Variants in MRE11 observed in about 807,000 individuals in gnomAD.
MRE11 encodes the protein double-strand break repair protein MRE11.
A neutral mutation model predicts 91.7 loss-of-function variants in MRE11; 62 were observed. That is an observed-to-expected ratio of 0.68 (90% CI 0.55 to 0.84). The LOEUF is 0.84. MRE11 is among the 40% of genes least tolerant of loss of function. MRE11 has a pLI of 0.00. For missense variants in MRE11, 796 were observed against 852.9 expected (o/e 0.93, Z 0.83); for synonymous variants, 273 against 271.4 (o/e 1.01, Z -0.06).
chr11:94,474,775 C>T (rs535371051), intron 7 of MRE11, among the ~76,000 whole-genome samples: 2 of 152,264 alleles, frequency 1.3e-5, no homozygotes, highest in African/African-American at 4.8e-5. Context: ...ATGGTGACTA[C>T]CCATTCCCCT....
At position 94,415,930 on chromosome 11, in the gene MRE11, C is replaced by A. The variant is rs1412951161; in HGVS notation, c.*4195G>T. ...GGTTCAAGCAATTCTCCTGCCTCAG[C>A]CTCCTGAGTAGTTGGGATTACAGGC... On this transcript the variant is annotated 3_prime_UTR_variant, in exon 20 of 20. Transcript: ENST00000323929. 6.6e-6 allele frequency: 1 copy of A among 152,288 alleles called. No individual in the cohort carries two copies. Among genetic ancestry groups the A allele is most frequent in the African/African-American group, 2.4e-5 (1 of 41,454 alleles). 9.4% of individuals were successfully genotyped at this position (152,288 alleles called of 1,614,324 possible).
chr11:94,482,749 C>A (rs1178184638), intron 4 of MRE11, among the ~76,000 whole-genome samples: 1 of 152,068 alleles, frequency 6.6e-6, no homozygotes, highest in East Asian at 1.9e-4. Flanking sequence ...GCCTCACCAA[C>A]CTGGTGAAAC....
upstream of MRE11, chr11:94,498,626 A>G: frequency 1.8e-6 from 2 of 1,102,354 alleles, no homozygotes; most frequent in Non-Finnish European, 2.6e-6. Context: ...ACATCTTACT[A>G]CAAAAATTCA....
rs1223896257 is a variant in MRE11, at chr11:94,420,103, TTTCTCAGTGCCATTAAATATA to T, written c.*1_*21del. On this transcript the variant is annotated 3_prime_UTR_variant, in exon 20 of 20. Transcript: ENST00000323929. ...TTTCATTTTTCCTGTATCTTGCATG[TTTCTCAGTGCCATTAAATATA>T]TTATCTTCTATTTCTTCTTAAAGAA... The T allele has an allele frequency of 2.0e-6, 3 of 1,531,992 alleles. No homozygotes were observed. In the African/African-American group the frequency reaches 4.1e-5, roughly 21 times the overall value. The allele number at this position is 1,531,992 out of a possible 1,614,324, so 94.9% of individuals were successfully genotyped here. A position where few individuals can be genotyped will look rare whatever the true frequency, so the allele number is the denominator to read the frequency against.
chr11:94,511,776 A>AT, the MRE11 span, among the ~76,000 whole-genome samples: 1 of 152,210 alleles, frequency 6.6e-6, no homozygotes, highest in African/African-American at 2.4e-5. Context: ...AACGTAATCC[A>AT]TTTTTAAGGC....
chr11:94,497,510 G>T (rs1012723142), upstream of MRE11: 2 of 157,706 alleles, frequency 1.3e-5, no homozygotes, highest in Non-Finnish European at 2.8e-5. Context: ...TAACCCAAGA[G>T]CATGCCACAT....
At chr11:94,497,952 C>T (rs1037532100), upstream of MRE11, 8 of 711,104 alleles carry the variant, frequency 1.1e-5, no homozygotes, top group African/African-American at 1.8e-5. Context: ...ATTTTAAAGT[C>T]ATCTACTAAC....
chr11:94,465,804 C>T (rs1249331563), intron 10 of MRE11, among the ~76,000 whole-genome samples: 1 of 152,144 alleles, frequency 6.6e-6, no homozygotes, highest in Non-Finnish European at 1.5e-5. Flanking sequence ...TTGGTCATAA[C>T]AAATTTTATT....
chr11:94,508,070 A>T, the MRE11 span, among the ~76,000 whole-genome samples: 2 of 152,098 alleles, frequency 1.3e-5, no homozygotes, highest in African/African-American at 4.8e-5. Flanking sequence ...CTGCGGCTCA[A>T]GCAATTCTCC....
chr11:94,486,961 G>A (rs1947157059), intron 3 of MRE11, among the ~76,000 whole-genome samples: 2 of 152,216 alleles, frequency 1.3e-5, no homozygotes, highest in Admixed American at 6.5e-5. Context: ...ATAGATCACT[G>A]TGCGTATGGT....
At chr11:94,491,743 A>G (rs1473314261) in intron 2 of MRE11, among the ~76,000 whole-genome samples, 1 of 152,222 alleles carries the variant, frequency 6.6e-6, no homozygotes. Context: ...GCTATTTTCA[A>G]TAAACCACAA....
intron 14 of MRE11, among the ~76,000 whole-genome samples, chr11:94,453,473 G>A (rs182963661): frequency 2.0e-4 from 30 of 152,226 alleles, no homozygotes; most frequent in South Asian, 1.5e-3. Context: ...CATTCTTGCC[G>A]AAACTTGTTA....
chr11:94,463,673 C>A (rs13447653), intron 11 of MRE11, among the ~76,000 whole-genome samples: 1 of 151,928 alleles, frequency 6.6e-6, no homozygotes, highest in Non-Finnish European at 1.5e-5. Context: ...GAGCAAACTA[C>A]CGCAAGGACA....
chr11:94,499,867 A>C, the MRE11 span, among the ~76,000 whole-genome samples: 1 of 152,310 alleles, frequency 6.6e-6, no homozygotes, highest in Admixed American at 6.5e-5. Flanking sequence ...CAGTCACCCT[A>C]GACTAAGTAA....
At chr11:94,446,912 A>G (rs1248805518) in intron 15 of MRE11, among the ~76,000 whole-genome samples, 3 of 152,202 alleles carry the variant, frequency 2.0e-5, no homozygotes, top group Non-Finnish European at 4.4e-5. Context: ...TACTTTGCAC[A>G]TGTGAAAATA....
At chr11:94,446,408 A>G (rs1379725523) in intron 15 of MRE11, among the ~76,000 whole-genome samples, 2 of 152,234 alleles carry the variant, frequency 1.3e-5, no homozygotes, top group African/African-American at 4.8e-5. Context: ...ACAAGACTCC[A>G]TCTCAAGAAA....
At chr11:94,464,056 A>G (rs1946492540) in intron 11 of MRE11, 57 bp downstream of exon 11, 1 of 1,555,262 alleles carries the variant, frequency 6.4e-7, no homozygotes, top group Admixed American at 1.7e-5. Context: ...TTTAATAAAG[A>G]TTCCTTCACA....
intron 3 of MRE11, among the ~76,000 whole-genome samples, chr11:94,488,135 G>A (rs1196167595): frequency 6.6e-6 from 1 of 152,168 alleles, no homozygotes; most frequent in Non-Finnish European, 1.5e-5. Flanking sequence ...GTAGAATTAA[G>A]TAGCTTACAC....
intron 19 of MRE11, among the ~76,000 whole-genome samples, chr11:94,420,656 C>T (rs1248593310): frequency 6.6e-6 from 1 of 152,212 alleles, no homozygotes; most frequent in Non-Finnish European, 1.5e-5. Context: ...GCTACTCTCA[C>T]ACTTATGCAA....
Sources: gnomAD v4.1 joint callset for allele counts (sites outside exome capture counted in the v4.1 genomes callset) on GRCh38, gnomAD v4.1.1 for gene constraint, MANE v1.5 for transcripts, NCBI Gene and HGNC (gene_info 2026-07-23, HGNC 2026-07-21) for gene names.